BACH2: variants seen among roughly 807,000 people sequenced by gnomAD.
BACH2 encodes transcription regulator protein BACH2.
Under a neutral mutation model 61.8 loss-of-function variants are expected in BACH2, and 5 were observed. The observed-to-expected ratio is 0.08, with a 90% CI of 0.04 to 0.17. BACH2 has a LOEUF of 0.17. Among genes scored for constraint, BACH2 ranks in the 10% least tolerant of loss-of-function variants. The pLI, the probability that BACH2 is intolerant of heterozygous loss-of-function variation, is 1.00. For missense variants in BACH2, 824 were observed against 1,091.1 expected (o/e 0.76, Z 3.45); for synonymous variants, 446 against 440.1 (o/e 1.01, Z -0.17).
At chr6:90,162,403 C>G (rs1442383245) in intron 4 of BACH2, among the ~76,000 whole-genome samples, 1 of 152,096 alleles carries the variant, frequency 6.6e-6, no homozygotes. Context: ...CTTTGGGAGG[C>G]CAAGGCAGGA....
intron 1 of BACH2, among the ~76,000 whole-genome samples, chr6:90,284,856 G>A (rs1373973792): frequency 2.6e-5 from 4 of 152,278 alleles, no homozygotes; most frequent in Non-Finnish European, 5.9e-5. Flanking sequence ...TGATACTGAT[G>A]AGTCATTCGT....
At chr6:90,096,345 G>A (rs1398547015) in intron 4 of BACH2, among the ~76,000 whole-genome samples, 3 of 152,140 alleles carry the variant, frequency 2.0e-5, no homozygotes, top group African/African-American at 7.2e-5. Context: ...GTTCAAATAT[G>A]TCACTTGCAG....
At chr6:90,095,891 A>C (rs780609748) in intron 4 of BACH2, among the ~76,000 whole-genome samples, 4 of 152,182 alleles carry the variant, frequency 2.6e-5, no homozygotes, top group Non-Finnish European at 5.9e-5. Context: ...GGTACATGAG[A>C]GAACCCTGAC....
intron 5 of BACH2, among the ~76,000 whole-genome samples, chr6:90,058,206 CTG>C (rs1244035580): frequency 1.3e-5 from 2 of 152,120 alleles, no homozygotes; most frequent in Non-Finnish European, 2.9e-5. Flanking sequence ...GATGACATGA[CTG>C]TATATCTAGA....
chr6:90,044,620 C>T (rs142326133), intron 5 of BACH2, among the ~76,000 whole-genome samples: 14 of 152,262 alleles, frequency 9.2e-5, no homozygotes, highest in Non-Finnish European at 1.8e-4. Context: ...TTAGGAGGCT[C>T]CTGCAGCAGT....
At chr6:90,025,740 C>T (rs1210673941) in intron 5 of BACH2, among the ~76,000 whole-genome samples, 1 of 152,098 alleles carries the variant, frequency 6.6e-6, no homozygotes, top group Admixed American at 6.5e-5. Flanking sequence ...AGGGAAAATA[C>T]GAGGATGGGA....
At chr6:90,236,895 A>G (rs1770276061) in intron 3 of BACH2, among the ~76,000 whole-genome samples, 2 of 152,086 alleles carry the variant, frequency 1.3e-5, no homozygotes, top group Non-Finnish European at 2.9e-5. Context: ...GAAATTGTAC[A>G]AACCCATTCT....
At chr6:90,081,936 G>A (rs1422484654) in intron 5 of BACH2, among the ~76,000 whole-genome samples, 2 of 152,084 alleles carry the variant, frequency 1.3e-5, no homozygotes, top group Non-Finnish European at 2.9e-5. Context: ...GAAGCACAGA[G>A]ATACCAGCAC....
chr6:90,281,412 A>T (rs639575), intron 1 of BACH2, among the ~76,000 whole-genome samples: 104,052 of 152,124 alleles, frequency 0.68, 37,079 homozygotes, highest in African/African-American at 0.9. Context: ...AAAACAATTA[A>T]GAAGAAAGAA....
At chr6:90,163,181 CATGAAG>C (rs1767460187) in intron 4 of BACH2, among the ~76,000 whole-genome samples, 1 of 152,142 alleles carries the variant, frequency 6.6e-6, no homozygotes, top group South Asian at 2.1e-4. Context: ...TAGAGAGTCA[CATGAAG>C]ACTTCCAACA....
chr6:90,085,485 C>T (rs1317989916), intron 5 of BACH2, among the ~76,000 whole-genome samples: 4 of 152,182 alleles, frequency 2.6e-5, no homozygotes, highest in African/African-American at 9.6e-5. Flanking sequence ...GGGTGGCTCA[C>T]GCTTTCCTTC....
chr6:90,203,456 G>C (rs994078549), intron 4 of BACH2, among the ~76,000 whole-genome samples: 2 of 138,140 alleles, frequency 1.4e-5, no homozygotes, highest in African/African-American at 5.4e-5. Flanking sequence ...TCAACATAAA[G>C]ATTGGAAAGT....
chr6:90,265,677 C>T (rs1582548236), intron 2 of BACH2, among the ~76,000 whole-genome samples: 1 of 152,138 alleles, frequency 6.6e-6, no homozygotes, highest in East Asian at 1.9e-4. Context: ...AATGAGAAAT[C>T]CTAACTGCAA....
At chr6:90,249,599 C>T (rs1310670253) in intron 3 of BACH2, among the ~76,000 whole-genome samples, 1 of 152,060 alleles carries the variant, frequency 6.6e-6, no homozygotes, top group Non-Finnish European at 1.5e-5. Flanking sequence ...GGTGAGACTC[C>T]CATCTCTACT....
chr6:90,003,706 T>C (rs1013347476), intron 6 of BACH2, among the ~76,000 whole-genome samples: 16 of 152,176 alleles, frequency 1.1e-4, no homozygotes, highest in Non-Finnish European at 2.1e-4. Flanking sequence ...CAGAGTGTGG[T>C]TTTCCCAGCC....
intron 5 of BACH2, among the ~76,000 whole-genome samples, chr6:90,060,093 C>T (rs1043684752): frequency 2.0e-5 from 3 of 149,858 alleles, no homozygotes; most frequent in Admixed American, 6.7e-5. Flanking sequence ...AGCTGCACGT[C>T]GTGCACATGT....
chr6:89,989,627 C>A (rs1485523046), intron 6 of BACH2, among the ~76,000 whole-genome samples: 1 of 152,270 alleles, frequency 6.6e-6, no homozygotes, highest in South Asian at 2.1e-4. Context: ...GGGCTCAAGG[C>A]TCATCACCTC....
At chr6:90,021,299 T>TAA (rs200724602) in intron 5 of BACH2, among the ~76,000 whole-genome samples, 1,216 of 100,206 alleles carry the variant, frequency 0.012, 8 homozygotes, top group African/African-American at 0.017. Flanking sequence ...AGCAAAAAAG[T>TAA]AAAAAAAAAA....
chr6:90,295,669 G>GTA (rs1772329100), intron 1 of BACH2, among the ~76,000 whole-genome samples: 1 of 151,818 alleles, frequency 6.6e-6, no homozygotes, highest in African/African-American at 2.4e-5. Context: ...GTGTGTGTGT[G>GTA]TGTGTGTGTG....
Sources: gnomAD v4.1 joint callset for allele counts (sites outside exome capture counted in the v4.1 genomes callset) on GRCh38, gnomAD v4.1.1 for gene constraint, MANE v1.5 for transcripts, NCBI Gene and HGNC (gene_info 2026-07-23, HGNC 2026-07-21) for gene names.